The following MCC variants were observed in gnomAD, a reference collection of about 807,000 sequenced individuals.
MCC encodes MCC regulator of Wnt signaling pathway.
A neutral mutation model predicts 116.2 loss-of-function variants in MCC; 90 were observed. That is an observed-to-expected ratio of 0.77 (90% CI 0.65 to 0.92). The LOEUF (loss-of-function observed/expected upper bound fraction) is 0.92, where lower values mean the gene tolerates loss of function less well. Among genes scored for constraint, MCC ranks in the 40% least tolerant of loss-of-function variants. MCC has a pLI of 0.00. For missense variants in MCC, 1,516 were observed against 1,312.2 expected, an observed-to-expected ratio of 1.16 and a Z score of -2.40; for synonymous variants, 578 against 510.5, an observed-to-expected ratio of 1.13 and a Z score of -1.78.
chr5:113,113,188 C>A (rs1429480576), intron 6 of MCC, among the ~76,000 whole-genome samples: 1 of 152,210 alleles, frequency 6.6e-6, no homozygotes, highest in Non-Finnish European at 1.5e-5. Flanking sequence ...CAGATTCTTT[C>A]AGCCTCAACA....
At chr5:113,084,425 G>A (rs2150244086) in intron 9 of MCC, among the ~76,000 whole-genome samples, 1 of 152,348 alleles carries the variant, frequency 6.6e-6, no homozygotes, top group South Asian at 2.1e-4. Flanking sequence ...CCTGTGCATT[G>A]TAGGACATTT....
At chr5:113,094,813 T>A (rs183865882) in intron 8 of MCC, among the ~76,000 whole-genome samples, 1 of 152,162 alleles carries the variant, frequency 6.6e-6, no homozygotes, top group Non-Finnish European at 1.5e-5. Context: ...GGCCTCCTCA[T>A]AGGCACATGA....
chr5:113,244,017 A>G (rs1764480222), intron 3 of MCC, among the ~76,000 whole-genome samples: 1 of 152,256 alleles, frequency 6.6e-6, no homozygotes, highest in South Asian at 2.1e-4. Context: ...CAGTAAACAG[A>G]TGACAGGATC....
intron 2 of MCC, among the ~76,000 whole-genome samples, chr5:113,381,021 A>G (rs1769105668): frequency 6.6e-6 from 1 of 152,242 alleles, no homozygotes; most frequent in Non-Finnish European, 1.5e-5. Context: ...GCATGATTTT[A>G]TAACTTTAAA....
At chr5:113,276,179 T>C (rs374302159) in intron 3 of MCC, among the ~76,000 whole-genome samples, 1 of 152,108 alleles carries the variant, frequency 6.6e-6, no homozygotes, top group Non-Finnish European at 1.5e-5. Flanking sequence ...ACGCCTCCCC[T>C]GACTCCCTCC....
intron 3 of MCC, among the ~76,000 whole-genome samples, chr5:113,312,174 G>A (rs1200090748): frequency 6.6e-6 from 1 of 152,146 alleles, no homozygotes; most frequent in African/African-American, 2.4e-5. Flanking sequence ...CTACTGGGGA[G>A]GCTGAGGCAG....
chr5:113,198,394 T>C (rs577971655), intron 3 of MCC, among the ~76,000 whole-genome samples: 3 of 152,118 alleles, frequency 2.0e-5, no homozygotes, highest in Admixed American at 6.5e-5. Context: ...TCTAACCTTT[T>C]AGAAATGTAC....
chr5:113,356,061 G>GT (rs1768403403), intron 2 of MCC, among the ~76,000 whole-genome samples: 6 of 51,388 alleles, frequency 1.2e-4, no homozygotes, highest in Middle Eastern at 0.011. Flanking sequence ...CAGGCAAGGT[G>GT]TATTTTTTTT....
chr5:113,178,814 C>G (rs1342541532), intron 3 of MCC, among the ~76,000 whole-genome samples: 1 of 152,192 alleles, frequency 6.6e-6, no homozygotes, highest in African/African-American at 2.4e-5. Context: ...CTCCTGCCTT[C>G]TACCAGAAGG....
intron 3 of MCC, among the ~76,000 whole-genome samples, chr5:113,220,250 A>G (rs58404821): frequency 0.13 from 18,934 of 150,424 alleles, 2,092 homozygotes; most frequent in African/African-American, 0.29. Context: ...TAGTAGAGAC[A>G]GGGTTTCACC....
chr5:113,368,918 T>C (rs1452432957), intron 2 of MCC, among the ~76,000 whole-genome samples: 1 of 152,162 alleles, frequency 6.6e-6, no homozygotes, highest in Admixed American at 6.5e-5. Context: ...TAAAAGTGGG[T>C]TCCCACAATC....
chr5:113,247,333 T>C (rs56369622), intron 3 of MCC, among the ~76,000 whole-genome samples: 24,026 of 152,000 alleles, frequency 0.16, 2,208 homozygotes, highest in Admixed American at 0.29. Flanking sequence ...ATGGGAGAAC[T>C]ATAGCACCCC....
At position 113,100,814 on chromosome 5, in the gene MCC, T is replaced by G. The variant is rs538213862; in HGVS notation, c.1398+925A>C. 1.7e-4 allele frequency among the ~76,000 whole-genome samples: 26 copies of G among 152,268 alleles called. No homozygotes were observed. In the South Asian group the frequency reaches 4.8e-3, roughly 28 times the overall value. On this transcript the variant is annotated intron_variant, in intron 8 of 18. Coordinates refer to ENST00000408903, the MANE Select transcript of MCC (RefSeq NM_001085377.2). Reference sequence around the variant, plus strand: ...AGTCAACTTTATCTGTGTACAAAATTAGCAGTCAGAGCACAACTAGAAAAC... The same window carrying G: ...AGTCAACTTTATCTGTGTACAAAATGAGCAGTCAGAGCACAACTAGAAAAC...
At chr5:113,101,136 GGT>G (rs1356688601) in intron 8 of MCC, among the ~76,000 whole-genome samples, 1 of 152,058 alleles carries the variant, frequency 6.6e-6, no homozygotes, top group Non-Finnish European at 1.5e-5. Flanking sequence ...CAGGCCCTAG[GGT>G]GAATAGCAGG....
At chr5:113,333,828 T>TATATATGTATATATGTATATATGTAC (rs1767773481) in intron 3 of MCC, among the ~76,000 whole-genome samples, 1 of 12,274 alleles carries the variant, frequency 8.1e-5, no homozygotes, top group Non-Finnish European at 4.3e-4. Context: ...TACATATATG[T>TATATATGTATATATGTATATATGTAC]ATATATGTAT....
At chr5:113,269,055 A>G (rs1765517589) in intron 3 of MCC, 15 of 529,216 alleles carry the variant, frequency 2.8e-5, no homozygotes, top group Non-Finnish European at 3.4e-5. Context: ...AGAAGGCAGC[A>G]GCACAAACAG....
chr5:113,115,253 G>A lies in MCC; in HGVS notation c.1027+7431C>T, dbSNP rs188969420. Among the ~76,000 whole-genome samples the A allele has an allele frequency of 1.5e-3, 226 of 152,312 alleles. 2 individuals carry two copies. In the Middle Eastern group the frequency reaches 0.02, roughly 14 times the overall value. On this transcript the variant is annotated intron_variant, in intron 6 of 18. Coordinates refer to ENST00000408903, the MANE Select transcript of MCC (RefSeq NM_001085377.2). Reference sequence around the variant, plus strand: ...TGAGTAAGCGAGGCACCCCTGTCACGAGGCCTGAGAAGGGGTCAAGAAAAA... The same window carrying A: ...TGAGTAAGCGAGGCACCCCTGTCACAAGGCCTGAGAAGGGGTCAAGAAAAA...
At chr5:113,101,566 T>C (rs1756411664) in intron 8 of MCC, 173 bp downstream of exon 8, 2 of 627,182 alleles carry the variant, frequency 3.2e-6, no homozygotes, top group East Asian at 2.8e-5. Context: ...CTTACCTCTA[T>C]ACCTTAGCAA....
intron 2 of MCC, among the ~76,000 whole-genome samples, chr5:113,347,113 G>T (rs749218337): frequency 6.6e-6 from 1 of 152,062 alleles, no homozygotes; most frequent in Non-Finnish European, 1.5e-5. Context: ...GAAAGAAAAG[G>T]ATATTAATGA....
Sources: gnomAD v4.1 joint callset for allele counts (sites outside exome capture counted in the v4.1 genomes callset) on GRCh38, gnomAD v4.1.1 for gene constraint, MANE v1.5 for transcripts, NCBI Gene and HGNC (gene_info 2026-07-23, HGNC 2026-07-21) for gene names.